The following ITCH variants were observed in gnomAD, a reference collection of about 807,000 sequenced individuals.
ITCH encodes the protein E3 ubiquitin-protein ligase Itchy homolog.
A neutral mutation model predicts 126.8 loss-of-function variants in ITCH; 28 were observed. The ratio of observed to expected loss-of-function variants is 0.22; its 90% confidence interval spans 0.16 to 0.30. The LOEUF (loss-of-function observed/expected upper bound fraction) is 0.30. Among genes scored for constraint, ITCH ranks in the 10% least tolerant of loss-of-function variants. The pLI is 1.00. For synonymous variants in ITCH, 342 were observed against 340.0 expected (o/e 1.01, Z -0.06); for missense variants, 631 against 1,032.4 (o/e 0.61, Z 5.33).
At chr20:34,369,891 C>T (rs2037554696) in intron 2 of ITCH, among the ~76,000 whole-genome samples, 1 of 151,570 alleles carries the variant, frequency 6.6e-6, no homozygotes, top group South Asian at 2.1e-4. Flanking sequence ...ATCACTTGAA[C>T]CCAAGAGTTT....
intron 2 of ITCH, among the ~76,000 whole-genome samples, chr20:34,375,268 C>T (rs1047384746): frequency 4.7e-5 from 7 of 148,842 alleles, no homozygotes; most frequent in East Asian, 4.0e-4. Context: ...CTGGAACTTC[C>T]GACCTCAGGT....
chr20:34,505,744 C>T (rs1018444618), intron 24 of ITCH, among the ~76,000 whole-genome samples: 4 of 151,742 alleles, frequency 2.6e-5, no homozygotes, highest in Admixed American at 1.3e-4. Flanking sequence ...TTAGTAGAGA[C>T]GGGGTTTCAC....
At chr20:34,440,945 C>G (rs1983672741) in intron 9 of ITCH, among the ~76,000 whole-genome samples, 1 of 152,032 alleles carries the variant, frequency 6.6e-6, no homozygotes, top group South Asian at 2.1e-4. Context: ...GGAAAAAATC[C>G]CTTTTTAATA....
intron 10 of ITCH, among the ~76,000 whole-genome samples, chr20:34,444,233 G>A (rs1482767914): frequency 1.3e-5 from 2 of 152,084 alleles, no homozygotes; most frequent in Non-Finnish European, 1.5e-5. Flanking sequence ...TCTTTCAAAT[G>A]TTTTATTTAG....
At chr20:34,404,289 A>G (rs2038979741) in intron 3 of ITCH, among the ~76,000 whole-genome samples, 1 of 152,034 alleles carries the variant, frequency 6.6e-6, no homozygotes. Flanking sequence ...TATTTGTAAT[A>G]TTATGACTAT....
chr20:34,389,621 A>G (rs531042215), intron 2 of ITCH, among the ~76,000 whole-genome samples: 2 of 152,274 alleles, frequency 1.3e-5, no homozygotes, highest in Admixed American at 6.5e-5. Flanking sequence ...GAAACTTAGG[A>G]ACAGAAGTGA....
intron 3 of ITCH, among the ~76,000 whole-genome samples, chr20:34,401,002 A>G (rs1409978878): frequency 6.6e-6 from 1 of 151,940 alleles, no homozygotes; most frequent in Non-Finnish European, 1.5e-5. Flanking sequence ...CAAGTGATTC[A>G]CCCACCTCGG....
rs370912846 is a variant in ITCH at position 34,374,765 on chromosome 20, CT to C, written c.-22+5299del. Among the ~76,000 whole-genome samples, 215 of 148,646 alleles carry C rather than the reference CT, an allele frequency of 1.4e-3. 2 individuals are homozygous for C. In the East Asian group the frequency reaches 0.028, roughly 20 times the overall value. ...TTTTTTTTTTTGAGACAGAGTTTCA[CT>C]TTTGTTGCCCAGGCTGGAGTGCAGT... On this transcript the variant is annotated intron_variant, in intron 2 of 24. Coordinates refer to ENST00000374864, the MANE Select transcript of ITCH (RefSeq NM_031483.7).
chr20:34,417,967 CT>C lies in ITCH; in HGVS notation c.475+4105del, dbSNP rs796201494. ...AAAGAAAAATGCATTTTACTTTCAA[CT>C]TTTTTTTTTTTTTTTTGAGACAGGG... On this transcript the variant is annotated intron_variant, in intron 6 of 24. Transcript: ENST00000374864. Among the ~76,000 whole-genome samples the C allele has an allele frequency of 7.7e-3, 1,060 of 137,270 alleles. 3 individuals carry two copies. The highest frequency in any genetic ancestry group is 0.013 in the African/African-American group (487 of 37,590). The allele number at this position is 137,270 out of a possible 152,430, so 90.1% of individuals were successfully genotyped here.
chr20:34,496,745 G>A (rs1440439125), intron 23 of ITCH, among the ~76,000 whole-genome samples: 2 of 150,570 alleles, frequency 1.3e-5, no homozygotes, highest in Non-Finnish European at 3.0e-5. Flanking sequence ...GGAGGTTGAG[G>A]TGAGCCGAGA....
In ITCH at chr20:34,406,596, G is replaced by A. The variant is rs886456471; in HGVS notation, c.71-2055G>A. On this transcript the variant is annotated intron_variant, in intron 3 of 24. Coordinates refer to ENST00000374864, the MANE Select transcript of ITCH (RefSeq NM_031483.7). ...GTCACCCAGGCTGGAGTGCAGTGGC[G>A]CAATCGCGGCTCACTGCAATCTCCG... Among the ~76,000 whole-genome samples, 43 of 149,930 alleles carry A rather than the reference G, an allele frequency of 2.9e-4. 1 individual carries two copies. The highest frequency in any genetic ancestry group is 3.7e-4 in the African/African-American group (15 of 40,636).
intron 7 of ITCH, among the ~76,000 whole-genome samples, chr20:34,430,634 G>C (rs1482563042): frequency 6.6e-6 from 1 of 151,984 alleles, no homozygotes; most frequent in Non-Finnish European, 1.5e-5. Context: ...CACTAGACTT[G>C]GCTAATTTTT....
chr20:34,380,412 A>G (rs1018430090), intron 2 of ITCH, among the ~76,000 whole-genome samples: 3 of 152,036 alleles, frequency 2.0e-5, no homozygotes, highest in African/African-American at 7.2e-5. Flanking sequence ...TTAACATTGA[A>G]CTATGCTAGA....
chr20:34,410,904 C>G (rs1414621092), intron 4 of ITCH, among the ~76,000 whole-genome samples: 1 of 152,124 alleles, frequency 6.6e-6, no homozygotes, highest in Non-Finnish European at 1.5e-5. Flanking sequence ...TGTGGTAGTG[C>G]TGTTCTTGAT....
intron 14 of ITCH, among the ~76,000 whole-genome samples, chr20:34,463,813 G>A (rs1353404064): frequency 1.3e-5 from 2 of 149,460 alleles, no homozygotes; most frequent in East Asian, 1.9e-4. Context: ...TTTCTTTTGC[G>A]ATTGAGTTTT....
chr20:34,409,964 A>G lies in ITCH; in HGVS notation c.212+1172A>G, dbSNP rs1034267264. ...AGGATTGTGTGAGGCCAGGAGTTCA[A>G]AGGTGCAGTTTGATATGATTGCTCC... On this transcript the variant is annotated intron_variant, in intron 4 of 24. Transcript: ENST00000374864. 2.6e-5 allele frequency among the ~76,000 whole-genome samples: 4 copies of G among 152,104 alleles called. No homozygotes were observed. In the East Asian group the frequency reaches 5.8e-4, roughly 22 times the overall value.
intron 14 of ITCH, among the ~76,000 whole-genome samples, chr20:34,467,507 A>T (rs1372200597): frequency 6.7e-6 from 1 of 149,772 alleles, no homozygotes; most frequent in Non-Finnish European, 1.5e-5. Flanking sequence ...TGGGTGGCAG[A>T]GTGTGACCCT....
At position 34,509,987 on chromosome 20, in the gene ITCH, C is replaced by T. The variant is rs553548846; in HGVS notation, c.*2193C>T. The T allele has an allele frequency of 6.6e-6, 1 of 152,618 alleles. No individual in the cohort carries two copies. Among genetic ancestry groups the T allele is most frequent in the African/African-American group, 2.4e-5 (1 of 41,526 alleles). 9.5% of individuals were successfully genotyped at this position (152,618 alleles called of 1,614,324 possible). ...ATATTGTGTGAAAATATATAAATAT[C>T]ACCCAAAAGGCTTTCTGCCCTATAT... On this transcript the variant is annotated 3_prime_UTR_variant, in exon 25 of 25. Transcript: ENST00000374864.
intron 6 of ITCH, among the ~76,000 whole-genome samples, chr20:34,414,610 G>C (rs1411928565): frequency 1.3e-5 from 2 of 152,020 alleles, no homozygotes; most frequent in Admixed American, 6.6e-5. Flanking sequence ...GGGATTACAG[G>C]CATGCGCCAC....
Sources: allele counts gnomAD v4.1 joint callset (sites outside exome capture counted in the v4.1 genomes callset), GRCh38; gene constraint gnomAD v4.1.1; transcripts MANE v1.5; gene names NCBI Gene and HGNC (gene_info 2026-07-23, HGNC 2026-07-21).